Variants in TNFRSF21 observed in about 807,000 individuals in gnomAD.
The protein encoded by TNFRSF21 is TNF receptor superfamily member 21.
Under a neutral mutation model 45.6 loss-of-function variants are expected in TNFRSF21, and 19 were observed. The observed-to-expected ratio is 0.42, with a 90% CI of 0.29 to 0.61. The LOEUF (loss-of-function observed/expected upper bound fraction) is 0.61. Among genes scored for constraint, TNFRSF21 ranks in the 20% least tolerant of loss-of-function variants. TNFRSF21 has a pLI of 0.23. For synonymous variants in TNFRSF21, 314 were observed against 335.5 expected (o/e 0.94, Z 0.70); for missense variants, 737 against 851.5 (o/e 0.87, Z 1.67).
intron 1 of TNFRSF21, among the ~76,000 whole-genome samples, chr6:47,305,392 AT>A: frequency 6.6e-6 from 1 of 152,264 alleles, no homozygotes; most frequent in African/African-American, 2.4e-5. Flanking sequence ...TTAAATCAGT[AT>A]TTTTTATGCT....
chr6:47,295,421 C>A (rs1762779089), intron 1 of TNFRSF21, among the ~76,000 whole-genome samples: 1 of 152,130 alleles, frequency 6.6e-6, no homozygotes, highest in African/African-American at 2.4e-5. Flanking sequence ...AAAGGGCAGG[C>A]AGAGAGACTG....
At chr6:47,275,455 G>A (rs1052169255) in intron 3 of TNFRSF21, among the ~76,000 whole-genome samples, 6 of 152,198 alleles carry the variant, frequency 3.9e-5, no homozygotes, top group Middle Eastern at 3.4e-3. Context: ...ACTGAACAAC[G>A]AGATTACTTG....
At chr6:47,282,653 GA>G (rs1416394798) in intron 3 of TNFRSF21, among the ~76,000 whole-genome samples, 1 of 152,038 alleles carries the variant, frequency 6.6e-6, no homozygotes, top group South Asian at 2.1e-4. Context: ...CCACACTGGG[GA>G]AAAAAAATTG....
chr6:47,268,198 T>A (rs1001331705), intron 3 of TNFRSF21, among the ~76,000 whole-genome samples: 5 of 152,196 alleles, frequency 3.3e-5, no homozygotes, highest in Non-Finnish European at 7.3e-5. Flanking sequence ...TATCTTTCTG[T>A]GCCACTGCTC....
In TNFRSF21 at chr6:47,284,203, C is replaced by T. The variant is rs763089621; in HGVS notation, c.978G>A (p.Thr326=). The change falls in exon 3 of 6, where the codon ACG becomes ACA. Residue 326 remains threonine, a synonymous_variant. Coordinates refer to ENST00000296861, the MANE Select transcript of TNFRSF21 (RefSeq NM_014452.5). ...GTCCCCTCTTGGGGCCCTTGATGGG[C>T]GTGCTGGACTTCTCGCCCCCAGTGG... ...MEATGGEKSS[T]PIKGPKRGHP... is the part of the protein sequence containing the mutation. 9.3e-6 allele frequency: 15 copies of T among 1,614,026 alleles called. No individual in the cohort carries two copies. Among genetic ancestry groups the T allele is most frequent in the African/African-American group, 2.7e-5 (2 of 74,930 alleles).
At chr6:47,278,730 A>G (rs927466636) in intron 3 of TNFRSF21, among the ~76,000 whole-genome samples, 4 of 152,324 alleles carry the variant, frequency 2.6e-5, no homozygotes, top group African/African-American at 9.6e-5. Context: ...GCATCTTAGA[A>G]TCCAGTTCTA....
In TNFRSF21 at chr6:47,234,868, T is replaced by A; in HGVS notation, c.1540A>T (p.Ser514Cys). 7.1e-7 allele frequency: 1 copy of A among 1,415,140 alleles called. No homozygotes were observed. Among genetic ancestry groups the A allele is most frequent in the Non-Finnish European group, 9.2e-7 (1 of 1,085,452 alleles). 87.7% of individuals were successfully genotyped at this position (1,415,140 alleles called of 1,614,324 possible). A position where few individuals can be genotyped will look rare whatever the true frequency, so the allele number is the denominator to read the frequency against. The change falls in exon 5 of 6, where the codon AGC becomes TGC. Residue 514 changes from serine (S) to cysteine (C), a missense_variant. Physicochemically the swap from Ser to Cys is moderately radical, Grantham distance 112. Coordinates refer to ENST00000296861, the MANE Select transcript of TNFRSF21 (RefSeq NM_014452.5). ...LETDKLALPM[S>C]PSPLSPSPIP... ...GGGCTCGGGCTAAGCGGGCTGGGGC[T>A]CATCGGGAGAGCTAGTTTGTCAGTT...
At chr6:47,290,676 A>T (rs190973033) in intron 1 of TNFRSF21, among the ~76,000 whole-genome samples, 3 of 152,296 alleles carry the variant, frequency 2.0e-5, no homozygotes, top group Non-Finnish European at 2.9e-5. Context: ...ATGTGTCTCT[A>T]AAAAAGGACC....
Position 47,309,550 on chromosome 6 carries a change from G to C in TNFRSF21, c.-39C>G. Reference sequence around the variant, plus strand: ...ACTCGCAGGGGCGCCCGGGGCGCGCGGGGCAGCTGGAATCGGCGGCTGCTT... The same window carrying C: ...ACTCGCAGGGGCGCCCGGGGCGCGCCGGGCAGCTGGAATCGGCGGCTGCTT... On this transcript the variant is annotated 5_prime_UTR_variant, in exon 1 of 6. Coordinates refer to ENST00000296861, the MANE Select transcript of TNFRSF21 (RefSeq NM_014452.5). 1 of 1,396,700 alleles carries C rather than the reference G, an allele frequency of 7.2e-7. No individual in the cohort carries two copies. Among genetic ancestry groups the C allele is most frequent in the Non-Finnish European group, 9.2e-7 (1 of 1,085,054 alleles). The allele number at this position is 1,396,700 out of a possible 1,614,324, so 86.5% of individuals were successfully genotyped here.
At chr6:47,269,617 C>T (rs1031275888) in intron 3 of TNFRSF21, among the ~76,000 whole-genome samples, 5 of 152,190 alleles carry the variant, frequency 3.3e-5, no homozygotes, top group Admixed American at 2.0e-4. Context: ...GGCAGACTGA[C>T]CATTTAGCTT....
intron 3 of TNFRSF21, among the ~76,000 whole-genome samples, chr6:47,262,153 A>C (rs929431383): frequency 1.3e-5 from 2 of 152,216 alleles, no homozygotes; most frequent in African/African-American, 4.8e-5. Context: ...AAGAAAAAAA[A>C]CAAAAAACAC....
At chr6:47,236,714 T>A (rs987663935) in intron 4 of TNFRSF21, among the ~76,000 whole-genome samples, 3 of 152,270 alleles carry the variant, frequency 2.0e-5, no homozygotes, top group Non-Finnish European at 4.4e-5. Context: ...AAATGTTAAT[T>A]CCATAGGCCC....
At chr6:47,293,700 C>T (rs956272706) in intron 1 of TNFRSF21, among the ~76,000 whole-genome samples, 1 of 152,192 alleles carries the variant, frequency 6.6e-6, no homozygotes, top group Non-Finnish European at 1.5e-5. Flanking sequence ...CTCCAACTCA[C>T]ACTCCAAATC....
intron 3 of TNFRSF21, among the ~76,000 whole-genome samples, chr6:47,283,561 T>A (rs1244753679): frequency 6.6e-6 from 1 of 151,994 alleles, no homozygotes; most frequent in African/African-American, 2.4e-5. Context: ...CAGTCAGGAG[T>A]CTCGTCCCAT....
chr6:47,292,755 C>T (rs150987610), intron 1 of TNFRSF21, among the ~76,000 whole-genome samples: 320 of 152,300 alleles, frequency 2.1e-3, no homozygotes, highest in Non-Finnish European at 3.5e-3. Flanking sequence ...TCCACTCATT[C>T]CCAGAGAGAC....
chr6:47,242,794 C>T (rs996262860), intron 4 of TNFRSF21, among the ~76,000 whole-genome samples: 7 of 152,186 alleles, frequency 4.6e-5, no homozygotes, highest in African/African-American at 1.2e-4. Context: ...AGAGCTGGAG[C>T]CCACTCACGT....
intron 3 of TNFRSF21, among the ~76,000 whole-genome samples, chr6:47,274,790 A>G (rs1762473613): frequency 6.6e-6 from 1 of 152,228 alleles, no homozygotes; most frequent in African/African-American, 2.4e-5. Flanking sequence ...ACAAATTTAC[A>G]AGAAAAAAAC....
At chr6:47,261,052 G>C (rs934183515) in intron 3 of TNFRSF21, among the ~76,000 whole-genome samples, 8 of 152,068 alleles carry the variant, frequency 5.3e-5, no homozygotes, top group Non-Finnish European at 1.2e-4. Context: ...TGTACACATG[G>C]AAGACGGGAG....
intron 4 of TNFRSF21, among the ~76,000 whole-genome samples, chr6:47,241,363 A>C (rs1315624818): frequency 6.6e-6 from 1 of 151,906 alleles, no homozygotes; most frequent in African/African-American, 2.4e-5. Context: ...CATCACCCTA[A>C]AAAAAAAGTT....
Sources: gnomAD v4.1 joint callset for allele counts (sites outside exome capture counted in the v4.1 genomes callset) on GRCh38, gnomAD v4.1.1 for gene constraint, MANE v1.5 for transcripts, NCBI Gene and HGNC (gene_info 2026-07-23, HGNC 2026-07-21) for gene names.